The following PTPRR variants were observed in gnomAD, a reference collection of about 807,000 sequenced individuals.
PTPRR encodes receptor-type tyrosine-protein phosphatase R.
In PTPRR, 38 loss-of-function variants were observed where a neutral mutation model predicts 77.2. The ratio of observed to expected loss-of-function variants is 0.49; its 90% CI spans 0.38 to 0.65. PTPRR has a LOEUF of 0.65. PTPRR is among the 30% of genes least tolerant of loss of function. PTPRR has a pLI of 0.00. For synonymous variants in PTPRR, 299 were observed against 283.1 expected, an observed-to-expected ratio of 1.06 and a Z score of -0.57; for missense variants, 744 against 799.2, an observed-to-expected ratio of 0.93 and a Z score of 0.83.
At chr12:70,848,831 A>G (rs992018137) in intron 2 of PTPRR, among the ~76,000 whole-genome samples, 1 of 152,226 alleles carries the variant, frequency 6.6e-6, no homozygotes, top group Non-Finnish European at 1.5e-5. Context: ...GAATCTGGGA[A>G]AATAACTTCT....
intron 10 of PTPRR, among the ~76,000 whole-genome samples, chr12:70,662,916 G>T (rs1027784626): frequency 6.7e-6 from 1 of 150,012 alleles, no homozygotes; most frequent in African/African-American, 2.4e-5. Context: ...GAGAAATTAA[G>T]AACTAATTAA....
intron 2 of PTPRR, among the ~76,000 whole-genome samples, chr12:70,795,024 TAA>T (rs758898296): frequency 6.6e-6 from 1 of 152,062 alleles, no homozygotes; most frequent in Non-Finnish European, 1.5e-5. Context: ...AGAGGTGTGG[TAA>T]GAGAGAGGGT....
intron 2 of PTPRR, among the ~76,000 whole-genome samples, chr12:70,767,635 G>A (rs1396472287): frequency 3.3e-5 from 5 of 152,104 alleles, no homozygotes; most frequent in Non-Finnish European, 5.9e-5. Flanking sequence ...GGATACCCAG[G>A]AATTGAATTC....
intron 6 of PTPRR, among the ~76,000 whole-genome samples, chr12:70,720,509 ATTT>A (rs34611421): frequency 0.21 from 28,662 of 136,518 alleles, 2,984 homozygotes; most frequent in East Asian, 0.37. Flanking sequence ...TACCCTGGTA[ATTT>A]TTTTTTTTTT....
chr12:70,775,253 G>A (rs922781068), intron 2 of PTPRR, among the ~76,000 whole-genome samples: 24 of 152,118 alleles, frequency 1.6e-4, no homozygotes, highest in Admixed American at 5.2e-4. Context: ...AAATATACCA[G>A]GCCTCTGTCT....
At chr12:70,672,307 G>A (rs1362274290) in intron 10 of PTPRR, 8 of 1,582,010 alleles carry the variant, frequency 5.1e-6, no homozygotes, top group African/African-American at 1.3e-5. Flanking sequence ...CCACGGAACC[G>A]ATCAACTTCA....
chr12:70,913,943 G>T (rs183152342), intron 1 of PTPRR, among the ~76,000 whole-genome samples: 2 of 152,216 alleles, frequency 1.3e-5, no homozygotes, highest in African/African-American at 4.8e-5. Flanking sequence ...AAATAAAGCT[G>T]CAATTGTGTT....
chr12:70,743,099 G>A (rs937551700), intron 6 of PTPRR, among the ~76,000 whole-genome samples: 1 of 152,124 alleles, frequency 6.6e-6, no homozygotes, highest in African/African-American at 2.4e-5. Flanking sequence ...GCCATGGTTG[G>A]GTGATTCAGG....
rs868163375 is a variant in PTPRR, at chr12:70,784,619, G to A, written c.358-19841C>T. ...TGCAGCGGCCGGCATGATGGCAGCA[G>A]CCGCACCAGATGGCCGCCGCTGCCA... On this transcript the variant is annotated intron_variant, in intron 2 of 13. Coordinates refer to ENST00000283228, the MANE Select transcript of PTPRR (RefSeq NM_002849.4). Among the ~76,000 whole-genome samples, 5 of 152,348 alleles carry A rather than the reference G, an allele frequency of 3.3e-5. 1 individual carries two copies. In the South Asian group the frequency reaches 1.0e-3, roughly 32 times the overall value.
chr12:70,761,836 T>C (rs571145417), intron 3 of PTPRR, among the ~76,000 whole-genome samples: 1 of 152,320 alleles, frequency 6.6e-6, no homozygotes, highest in South Asian at 2.1e-4. Context: ...TGCCATTAGT[T>C]GCCACCCCCC....
Position 70,715,866 on chromosome 12 carries a change from C to T in PTPRR, c.1008-14543G>A, listed in dbSNP as rs183357706. ...ATGCAATTATCATAGGGTCCTGAGG[C>T]GACATACATCCTTCTCAGCTGACAG... On this transcript the variant is annotated intron_variant, in intron 6 of 13. Coordinates refer to ENST00000283228, the MANE Select transcript of PTPRR (RefSeq NM_002849.4). 2.5e-3 allele frequency among the ~76,000 whole-genome samples: 381 copies of T among 152,106 alleles called. 1 individual carries two copies. Among genetic ancestry groups the T allele is most frequent in the African/African-American group, 8.7e-3 (360 of 41,486 alleles).
Position 70,857,361 on chromosome 12 carries a change from A to G in PTPRR, c.357+35318T>C, listed in dbSNP as rs76194376. On this transcript the variant is annotated intron_variant, in intron 2 of 13. Transcript: ENST00000283228. ...ACAAGAAGCGAACATTTAACTGTCA[A>G]TTAGGTCATGGGGACCATTATGATA... Among the ~76,000 whole-genome samples the G allele has an allele frequency of 4.6e-5, 7 of 152,264 alleles. No homozygotes were observed. In the East Asian group the frequency reaches 1.2e-3, roughly 25 times the overall value.
chr12:70,844,014 T>C (rs890027963), intron 2 of PTPRR, among the ~76,000 whole-genome samples: 2 of 151,710 alleles, frequency 1.3e-5, no homozygotes, highest in African/African-American at 2.4e-5. Flanking sequence ...CAGGGTTTCA[T>C]CATGTTGGCC....
chr12:70,814,588 C>A (rs962809260), intron 2 of PTPRR, among the ~76,000 whole-genome samples: 1 of 152,146 alleles, frequency 6.6e-6, no homozygotes, highest in Non-Finnish European at 1.5e-5. Flanking sequence ...AGCAGCAAGG[C>A]ATGGCTGCTA....
At chr12:70,762,911 A>G (rs1453151035) in intron 3 of PTPRR, among the ~76,000 whole-genome samples, 1 of 152,180 alleles carries the variant, frequency 6.6e-6, no homozygotes, top group Non-Finnish European at 1.5e-5. Context: ...CTCTGAGGAT[A>G]TGATAAGCAT....
intron 2 of PTPRR, among the ~76,000 whole-genome samples, chr12:70,783,613 G>A (rs572887103): frequency 2.6e-5 from 4 of 152,082 alleles, no homozygotes; most frequent in African/African-American, 7.2e-5. Context: ...GCCATGGGTG[G>A]GCCCAAGAAA....
At chr12:70,703,028 TTTCC>T (rs1349388547) in intron 6 of PTPRR, among the ~76,000 whole-genome samples, 5 of 151,964 alleles carry the variant, frequency 3.3e-5, no homozygotes, top group Non-Finnish European at 7.4e-5. Flanking sequence ...CAACCTATTC[TTTCC>T]TTCCTTTTTT....
chr12:70,843,084 C>G (rs1317107397), intron 2 of PTPRR, among the ~76,000 whole-genome samples: 2 of 151,998 alleles, frequency 1.3e-5, no homozygotes, highest in African/African-American at 4.8e-5. Flanking sequence ...CATACTTGTA[C>G]AAAAAAGTGA....
At chr12:70,789,666 C>T (rs1012831727) in intron 2 of PTPRR, among the ~76,000 whole-genome samples, 7 of 151,984 alleles carry the variant, frequency 4.6e-5, no homozygotes, top group Admixed American at 3.3e-4. Flanking sequence ...AAGACATTAT[C>T]TCTGTCTTTT....
Sources: gnomAD v4.1 joint callset for allele counts (sites outside exome capture counted in the v4.1 genomes callset) on GRCh38, gnomAD v4.1.1 for gene constraint, MANE v1.5 for transcripts, NCBI Gene and HGNC (gene_info 2026-07-23, HGNC 2026-07-21) for gene names.